The following PDGFRB variants were observed in gnomAD, a reference collection of about 807,000 sequenced individuals.
PDGFRB encodes the protein platelet-derived growth factor receptor beta.
In PDGFRB, 42 loss-of-function variants were observed where a neutral mutation model predicts 120.2. That is an observed-to-expected ratio of 0.35 (90% CI 0.27 to 0.45). PDGFRB has a LOEUF of 0.45. PDGFRB is among the 20% of genes least tolerant of loss of function. PDGFRB has a pLI of 1.00. For missense variants in PDGFRB, 1,149 were observed against 1,476.3 expected, an observed-to-expected ratio of 0.78 and a Z score of 3.63; for synonymous variants, 586 against 606.8, an observed-to-expected ratio of 0.97 and a Z score of 0.50.
intron 1 of PDGFRB, among the ~76,000 whole-genome samples, chr5:150,141,112 G>A (rs1009966628): frequency 1.3e-5 from 2 of 152,190 alleles, no homozygotes; most frequent in African/African-American, 2.4e-5. Flanking sequence ...AAACACATAC[G>A]TATGCAAGAG....
At chr5:150,141,633 CAG>C (rs904257063) in intron 1 of PDGFRB, among the ~76,000 whole-genome samples, 2 of 152,100 alleles carry the variant, frequency 1.3e-5, no homozygotes, top group African/African-American at 4.8e-5. Flanking sequence ...CTGAAAAAAA[CAG>C]ATGGATTTGA....
At chr5:150,117,542 G>GCACA (rs1289430637) in intron 22 of PDGFRB, 76 bp downstream of exon 22, 25,241 of 452,930 alleles carry the variant, frequency 0.056, 219 homozygotes, top group Non-Finnish European at 0.062. Context: ...GCGCGCGCGC[G>GCACA]CGCACACACA....
At chr5:150,144,857 G>T (rs1760877282) in intron 1 of PDGFRB, among the ~76,000 whole-genome samples, 1 of 152,198 alleles carries the variant, frequency 6.6e-6, no homozygotes, top group Non-Finnish European at 1.5e-5. Flanking sequence ...TACCCCCAGG[G>T]CCCTGTGGAT....
chr5:150,131,120 T>A (rs73277748), intron 8 of PDGFRB, among the ~76,000 whole-genome samples: 8,285 of 152,270 alleles, frequency 0.054, 765 homozygotes, highest in African/African-American at 0.19. Context: ...AACAAAACAT[T>A]AAGTCATTAT....
At position 150,139,434 on chromosome 5, in the gene PDGFRB, T is replaced by A. The variant is rs1760720779; in HGVS notation, c.-6-2381A>T. Among the ~76,000 whole-genome samples, 3 of 152,040 alleles carry A rather than the reference T, an allele frequency of 2.0e-5. 1 individual carries two copies. The South Asian group carries it at 6.2e-4, about 32-fold the overall frequency. ...GTGTCATCTCAAAGAGCTGTCCCTA[T>A]GGTGAAGCTCTGCCTTTCTGACAGG... On this transcript the variant is annotated intron_variant, in intron 1 of 22. Coordinates refer to ENST00000261799, the MANE Select transcript of PDGFRB (RefSeq NM_002609.4).
In PDGFRB at chr5:150,135,724, C is replaced by T. The variant is rs1041079383; in HGVS notation, c.195G>A (p.Met65Ile). 1 of 1,614,128 alleles carries T rather than the reference C, an allele frequency of 6.2e-7. No homozygotes were observed. The highest frequency in any genetic ancestry group is 8.5e-7 in the Non-Finnish European group (1 of 1,179,986). The change falls in exon 3 of 23, where the codon ATG becomes ATA. Residue 65 changes from methionine (M) to isoleucine (I), a missense_variant. Physicochemically the swap from Met to Ile is conservative, Grantham distance 10. Transcript: ENST00000261799. ...SGSAPVVWER[M>I]SQEPPQEMAK... ...CCATTTCCTGTGGGGGCTCCTGGGA[C>T]ATCCGTTCCCACACCACCGGAGCTG... is the stretch of plus-strand genomic sequence containing the variant.
chr5:150,144,318 C>T (rs1271862437), intron 1 of PDGFRB, among the ~76,000 whole-genome samples: 1 of 152,180 alleles, frequency 6.6e-6, no homozygotes, highest in African/African-American at 2.4e-5. Context: ...TCTGCCCAGC[C>T]TTTCAGAATC....
At chr5:150,130,930 C>T (rs547961380) in intron 8 of PDGFRB, among the ~76,000 whole-genome samples, 51 of 152,302 alleles carry the variant, frequency 3.3e-4, no homozygotes, top group Middle Eastern at 3.4e-3. Flanking sequence ...GGCTAGGCCT[C>T]AAGCTCAGAA....
At chr5:150,133,106 G>A (rs893798855) in intron 6 of PDGFRB, among the ~76,000 whole-genome samples, 164 bp from the exon 7 acceptor site, 1 of 152,240 alleles carries the variant, frequency 6.6e-6, no homozygotes. Flanking sequence ...CCTGGAGAAG[G>A]GGCCGAATTT....
In PDGFRB at chr5:150,114,075, T is replaced by C. The variant is rs1759843336; in HGVS notation, c.*1688A>G. The stretch of plus-strand genomic sequence containing the variant: ...AGGGAAGTAAGGTGCCAACCTGCAA[T>C]GCAGGGTTGGTGCCCAGAGGGGTTG... On this transcript the variant is annotated 3_prime_UTR_variant, in exon 23 of 23. Coordinates refer to ENST00000261799, the MANE Select transcript of PDGFRB (RefSeq NM_002609.4). The C allele has an allele frequency of 8.6e-6, 2 of 233,640 alleles. No homozygotes were observed. The highest frequency in any genetic ancestry group is 3.6e-4 in the South Asian group (2 of 5,528). 14.5% of individuals were successfully genotyped at this position (233,640 alleles called of 1,614,324 possible).
chr5:150,133,519 C>T (rs1562008592), intron 6 of PDGFRB, 67 bp downstream of exon 6: 32 of 1,361,870 alleles, frequency 2.3e-5, no homozygotes, highest in Non-Finnish European at 3.3e-5. Context: ...ACTCTGCACC[C>T]AGCAAAGTGG....
Position 150,132,733 on chromosome 5 carries a change from G to T in PDGFRB, c.1127+17C>A. On this transcript the variant is annotated intron_variant, in intron 7 of 22. Transcript: ENST00000261799. This position sits in a 1 kb window ranked among gnomAD's most constrained non-coding sequence, Gnocchi z 5.0. ...AAAAATAACTTCAAGAATGGGATGG[G>T]AGAGCGAGCTGCTCACCGGGTCTCC... 6.2e-7 allele frequency: 1 copy of T among 1,606,514 alleles called. No homozygotes were observed. The highest frequency in any genetic ancestry group is 8.5e-7 in the Non-Finnish European group (1 of 1,175,196).
At chr5:150,146,461 T>A (rs1471880435) in intron 1 of PDGFRB, among the ~76,000 whole-genome samples, 2 of 152,234 alleles carry the variant, frequency 1.3e-5, no homozygotes, top group African/African-American at 4.8e-5. Flanking sequence ...CAGAGACTTT[T>A]GGTAACTTTC....
In PDGFRB at chr5:150,115,796, C is replaced by T. The variant is rs140615815; in HGVS notation, c.3288G>A (p.Ala1096=). 2.7e-5 allele frequency: 43 copies of T among 1,611,308 alleles called. No homozygotes were observed. The African/African-American group carries it at 2.8e-4, about 11-fold the overall frequency. ...AGCTATCCTCTGCTTCCGCCCGAGG[C>T]GCAGGGCACCCCGAATCCGGCAACT... is the stretch of plus-strand genomic sequence containing the variant. ...LEQLPDSGCP[A]PRAEAEDSFL The change falls in exon 23 of 23, where the codon GCG becomes GCA. Residue 1096 remains alanine (A), a synonymous_variant. Coordinates refer to ENST00000261799, the MANE Select transcript of PDGFRB (RefSeq NM_002609.4).
chr5:150,124,332 G>A lies in PDGFRB; in HGVS notation c.1941C>T (p.Ala647=), dbSNP rs1269853048. The part of the protein sequence containing the change: ...KSTARSSEKQ[A]LMSELKIMSH... The stretch of plus-strand genomic sequence containing the variant: ...TCATGATCTTCAGCTCCGACATAAG[G>A]GCTTGCTTCTCACTGCTGCGGGCTG... Residue 647 remains alanine (A), a synonymous_variant, in exon 14 of 23, where the codon GCC becomes GCT. Transcript: ENST00000261799. 2.5e-6 allele frequency: 4 copies of A among 1,614,020 alleles called. No individual in the cohort carries two copies. Among genetic ancestry groups the A allele is most frequent in the Admixed American group, 3.3e-5 (2 of 59,998 alleles).
At chr5:150,116,842 A>G (rs1176881145) in intron 22 of PDGFRB, among the ~76,000 whole-genome samples, 1 of 151,990 alleles carries the variant, frequency 6.6e-6, no homozygotes, top group East Asian at 1.9e-4. Context: ...GCCGGTGTGC[A>G]CTCCTGGCAC....
chr5:150,116,265 T>C (rs993821871), intron 22 of PDGFRB, among the ~76,000 whole-genome samples: 3 of 152,200 alleles, frequency 2.0e-5, no homozygotes, highest in African/African-American at 4.8e-5. Flanking sequence ...GCTATCTCAT[T>C]TAATCCTTGC....
Position 150,118,727 on chromosome 5 carries a change from C to A in PDGFRB, c.2904+20G>T. On this transcript the variant is annotated intron_variant, in intron 21 of 22. Transcript: ENST00000261799. Reference sequence around the variant, plus strand: ...GCACCAGAGCTCTCCGTGCTCCACCCCTACCCTGCCTCAACATACCTTTTT... The same window carrying A: ...GCACCAGAGCTCTCCGTGCTCCACCACTACCCTGCCTCAACATACCTTTTT... 2.7e-6 allele frequency: 4 copies of A among 1,471,900 alleles called. No individual in the cohort carries two copies. Among genetic ancestry groups the A allele is most frequent in the Non-Finnish European group, 3.8e-6 (4 of 1,050,210 alleles). The allele number at this position is 1,471,900 out of a possible 1,614,324, so 91.2% of individuals were successfully genotyped here. A position where few individuals can be genotyped will look rare whatever the true frequency, so the allele number is the denominator to read the frequency against.
chr5:150,150,507 T>C (rs1761045677), intron 1 of PDGFRB, among the ~76,000 whole-genome samples: 1 of 151,516 alleles, frequency 6.6e-6, no homozygotes, highest in Non-Finnish European at 1.5e-5. Context: ...TGATCTGAAT[T>C]GAGGAGAGGA....
Sources: allele counts gnomAD v4.1 joint callset (sites outside exome capture counted in the v4.1 genomes callset), GRCh38; gene constraint gnomAD v4.1.1; non-coding constraint Gnocchi (gnomAD v3.1); transcripts MANE v1.5; gene names NCBI Gene and HGNC (gene_info 2026-07-23, HGNC 2026-07-21).